The following SLC6A20 variants were observed in gnomAD, a reference collection of about 807,000 sequenced individuals.
SLC6A20 encodes sodium- and chloride-dependent transporter XTRP3.
A neutral mutation model predicts 64.3 loss-of-function variants in SLC6A20; 73 were observed. The ratio of observed to expected loss-of-function variants is 1.14; its 90% CI spans 0.94 to 1.38. SLC6A20 has a LOEUF of 1.38. SLC6A20 is among the 40% of genes most tolerant of loss of function. The probability of loss-of-function intolerance (pLI) is 0.00; values close to 1 mark genes in which losing one functional copy is unlikely to be tolerated. For synonymous variants in SLC6A20, 347 were observed against 329.6 expected (o/e 1.05, Z -0.57); for missense variants, 725 against 772.8 (o/e 0.94, Z 0.73).
chr3:45,780,275 G>T (rs1471394438), intron 2 of SLC6A20, among the ~76,000 whole-genome samples, 175 bp from the exon 3 acceptor site: 1 of 152,206 alleles, frequency 6.6e-6, no homozygotes. Flanking sequence ...TGAACACTTG[G>T]GAAGGGTGAT....
intron 3 of SLC6A20, among the ~76,000 whole-genome samples, chr3:45,776,273 T>C (rs1575431100): frequency 6.6e-6 from 1 of 151,872 alleles, no homozygotes; most frequent in Non-Finnish European, 1.5e-5. Context: ...AGAGACTGAA[T>C]AGCAAATGGA....
chr3:45,765,918 G>A lies in SLC6A20; in HGVS notation c.1099-177C>T. On this transcript the variant is annotated intron_variant, in intron 7 of 10. Coordinates refer to ENST00000358525, the MANE Select transcript of SLC6A20 (RefSeq NM_020208.4). This position sits in a 1 kb window ranked among gnomAD's most constrained non-coding sequence, Gnocchi z 4.2. The stretch of plus-strand genomic sequence containing the variant: ...ACTCAGCTGGGCTGAAACGAAATGG[G>A]AGCTGCCAGGAGCTCATATATGCAA... The A allele has an allele frequency of 1.5e-6, 1 of 648,292 alleles. No individual in the cohort carries two copies. 40.2% of individuals were successfully genotyped at this position (648,292 alleles called of 1,614,324 possible). A position where few individuals can be genotyped will look rare whatever the true frequency, so the allele number is the denominator to read the frequency against.
intron 2 of SLC6A20, among the ~76,000 whole-genome samples, chr3:45,780,683 G>GCA (rs1331676712): frequency 6.6e-6 from 1 of 152,180 alleles, no homozygotes; most frequent in Non-Finnish European, 1.5e-5. Context: ...CGGCCTGAGA[G>GCA]CACAGAGAGG....
At chr3:45,776,578 G>A (rs1699972383) in intron 3 of SLC6A20, among the ~76,000 whole-genome samples, 1 of 152,170 alleles carries the variant, frequency 6.6e-6, no homozygotes, top group South Asian at 2.1e-4. Context: ...ACCAGCACCA[G>A]GTTCTCTCGG....
chr3:45,766,192 T>C, intron 7 of SLC6A20, among the ~76,000 whole-genome samples: 1 of 152,148 alleles, frequency 6.6e-6, no homozygotes, highest in Admixed American at 6.5e-5. Flanking sequence ...TGCTCAGCGG[T>C]CACGTCCCTG....
intron 3 of SLC6A20, among the ~76,000 whole-genome samples, chr3:45,776,895 A>G (rs545854541): frequency 6.6e-6 from 1 of 152,330 alleles, no homozygotes; most frequent in African/African-American, 2.4e-5. Context: ...GTGTGCCCCC[A>G]TAGGAGGCTG....
rs1241929720 is a variant in SLC6A20 at position 45,765,504 on chromosome 3, C to T, written c.1303+33G>A. On this transcript the variant is annotated intron_variant, in intron 8 of 10. Coordinates refer to ENST00000358525, the MANE Select transcript of SLC6A20 (RefSeq NM_020208.4). The surrounding 1 kb of genome is among the most constrained non-coding windows in gnomAD (Gnocchi z 4.2). ...CACCCCCACGCCTTGGCCCTCCTGA[C>T]CCCTGCCTCCTCCACTGGCTGGCCC... is the stretch of plus-strand genomic sequence containing the variant. 3 of 1,592,720 alleles carry T rather than the reference C, an allele frequency of 1.9e-6. No homozygotes were observed. The highest frequency in any genetic ancestry group is 2.3e-5 in the South Asian group (2 of 88,652).
At chr3:45,776,824 C>T (rs898937065) in intron 3 of SLC6A20, among the ~76,000 whole-genome samples, 19 of 152,206 alleles carry the variant, frequency 1.2e-4, no homozygotes, top group Non-Finnish European at 1.5e-4. Context: ...TTGCATTTGG[C>T]GGGGCTCCAA....
Position 45,759,977 on chromosome 3 carries a change from C to T in SLC6A20, c.1509G>A (p.Trp503Ter). ...CGCCAGCCCACATCACCTTCCAGTACCAGCTCACAGCTCGGCCGGTCATGG... is the reference window on the plus strand; with the variant it reads ...CGCCAGCCCACATCACCTTCCAGTATCAGCTCACAGCTCGGCCGGTCATGG... ...LKAMTGRAVS[W>*]YWKVMWAGVS... is the part of the protein sequence containing the mutation. Residue 503 changes from tryptophan to a stop codon, truncating the protein, a stop_gained, in exon 10 of 11, where the codon TGG becomes TGA. Transcript: ENST00000358525. LOFTEE classifies it high-confidence loss of function. The T allele has an allele frequency of 6.2e-7, 1 of 1,614,094 alleles. No homozygotes were observed. The highest frequency in any genetic ancestry group is 2.2e-5 in the East Asian group (1 of 44,882).
intron 4 of SLC6A20, among the ~76,000 whole-genome samples, chr3:45,773,786 G>A (rs965883975): frequency 3.9e-5 from 6 of 152,300 alleles, no homozygotes; most frequent in African/African-American, 4.8e-5. Context: ...CCCAGGGGAC[G>A]GCAGGTGGAA....
chr3:45,761,253 TG>T (rs1204712005), intron 9 of SLC6A20, among the ~76,000 whole-genome samples: 16 of 146,846 alleles, frequency 1.1e-4, no homozygotes, highest in Non-Finnish European at 2.1e-4. Context: ...TGGAGAAAGT[TG>T]GGAAGAGCTG....
chr3:45,765,419 C>G lies in SLC6A20; in HGVS notation c.1303+118G>C. ...ACATGGCAGGACCGTGGTGAGGTGG[C>G]TGCAACCCCCTGTAGCCACCTGAAC... On this transcript the variant is annotated intron_variant, in intron 8 of 10. Coordinates refer to ENST00000358525, the MANE Select transcript of SLC6A20 (RefSeq NM_020208.4). The surrounding 1 kb of genome is among the most constrained non-coding windows in gnomAD (Gnocchi z 4.2). The G allele has an allele frequency of 8.8e-7, 1 of 1,134,300 alleles. No individual in the cohort carries two copies. The highest frequency in any genetic ancestry group is 1.3e-6 in the Non-Finnish European group (1 of 798,940). The allele number at this position is 1,134,300 out of a possible 1,614,324, so 70.3% of individuals were successfully genotyped here.
intron 1 of SLC6A20, among the ~76,000 whole-genome samples, chr3:45,787,988 C>T (rs1700196790): frequency 6.6e-6 from 1 of 152,272 alleles, no homozygotes; most frequent in Middle Eastern, 3.4e-3. Context: ...CTCTGTTGCC[C>T]AGGCTGGAGT....
chr3:45,785,696 C>A (rs767855804), intron 1 of SLC6A20, among the ~76,000 whole-genome samples: 1 of 150,204 alleles, frequency 6.7e-6, no homozygotes. Context: ...AGTAGTAATA[C>A]AACTACATGC....
At chr3:45,771,839 A>C in intron 5 of SLC6A20, 25 of 238,734 alleles carry the variant, frequency 1.0e-4, no homozygotes, top group East Asian at 1.9e-4. Flanking sequence ...TAAAACACAA[A>C]TGGGGCCCTG....
rs912279991 is a variant in SLC6A20 at position 45,756,069 on chromosome 3, C to T, written c.*2909G>A. 3.3e-5 allele frequency: 5 copies of T among 152,240 alleles called. No individual in the cohort carries two copies. Among genetic ancestry groups the T allele is most frequent in the African/African-American group, 9.7e-5 (4 of 41,448 alleles). The allele number at this position is 152,240 out of a possible 1,614,324, so 9.4% of individuals were successfully genotyped here. ...GCCATGGAGGCCCAGGTCTTGCTTC[C>T]AGAAGGTCTGATGGGTGGCCCCAGG... On this transcript the variant is annotated 3_prime_UTR_variant, in exon 11 of 11. Transcript: ENST00000358525.
chr3:45,787,632 A>G (rs1206199271), intron 1 of SLC6A20, among the ~76,000 whole-genome samples: 1 of 152,034 alleles, frequency 6.6e-6, no homozygotes, highest in Non-Finnish European at 1.5e-5. Context: ...TCCAAGTGTC[A>G]CCAGATCACT....
In SLC6A20 at chr3:45,763,091, G is replaced by A. The variant is rs1330369492; in HGVS notation, c.1304-19C>T. The stretch of plus-strand genomic sequence containing the variant: ...ACCAGACCTGGGGGCCACAAGACCA[G>A]CTGCTCACCTGCCCGAGACCCCCCC... On this transcript the variant is annotated intron_variant, in intron 8 of 10. Transcript: ENST00000358525. 1 of 1,613,208 alleles carries A rather than the reference G, an allele frequency of 6.2e-7. No homozygotes were observed. Among genetic ancestry groups the A allele is most frequent in the Non-Finnish European group, 8.5e-7 (1 of 1,179,800 alleles).
At chr3:45,767,168 C>T (rs1001000619) in intron 7 of SLC6A20, among the ~76,000 whole-genome samples, 6 of 152,038 alleles carry the variant, frequency 3.9e-5, no homozygotes, top group African/African-American at 9.7e-5. Context: ...AACTTAAAAA[C>T]AATAGTAAAA....
Sources: gnomAD v4.1 joint callset for allele counts (sites outside exome capture counted in the v4.1 genomes callset) on GRCh38, gnomAD v4.1.1 for gene constraint, Gnocchi (gnomAD v3.1) non-coding constraint, MANE v1.5 for transcripts, NCBI Gene and HGNC (gene_info 2026-07-23, HGNC 2026-07-21) for gene names.